The following NKAIN2 variants were observed in gnomAD, a reference collection of about 807,000 sequenced individuals.
The protein encoded by NKAIN2 is sodium/potassium-transporting ATPase subunit beta-1-interacting protein 2.
NKAIN2 carries 14 observed loss-of-function variants against 32.6 expected under a neutral mutation model. That is an observed-to-expected ratio of 0.43 (90% CI 0.28 to 0.67). NKAIN2 has a LOEUF of 0.67. Ranked by LOEUF, NKAIN2 falls within the 30% of genes least tolerant of loss-of-function variation. The probability of loss-of-function intolerance (pLI) is 0.17; values close to 1 mark genes in which losing one functional copy is unlikely to be tolerated. For synonymous variants in NKAIN2, 80 were observed against 87.2 expected (o/e 0.92, Z 0.46); for missense variants, 198 against 258.3 (o/e 0.77, Z 1.60).
At chr6:123,836,552 T>G (rs1317109159) in intron 1 of NKAIN2, among the ~76,000 whole-genome samples, 4 of 151,556 alleles carry the variant, frequency 2.6e-5, no homozygotes, top group Non-Finnish European at 4.4e-5. Flanking sequence ...CACAAAAAAT[T>G]AGGTAAGATG....
At chr6:123,902,599 T>C (rs781147583) in intron 1 of NKAIN2, among the ~76,000 whole-genome samples, 6 of 152,310 alleles carry the variant, frequency 3.9e-5, no homozygotes, top group East Asian at 1.9e-4. Flanking sequence ...ATTTGGAAGA[T>C]CAGAAAGTTG....
intron 4 of NKAIN2, among the ~76,000 whole-genome samples, chr6:124,729,325 C>A (rs1438780933): frequency 2.4e-4 from 36 of 150,034 alleles, no homozygotes; most frequent in African/African-American, 6.1e-4. Context: ...TACTGGCAAA[C>A]CGAATCCAGC....
chr6:124,496,503 A>G (rs1411271023), intron 3 of NKAIN2, among the ~76,000 whole-genome samples: 1 of 152,164 alleles, frequency 6.6e-6, no homozygotes, highest in Non-Finnish European at 1.5e-5. Flanking sequence ...GTAGAGAGGC[A>G]TAAGTGCTTC....
chr6:124,343,353 G>T (rs1798231891), intron 2 of NKAIN2, among the ~76,000 whole-genome samples: 1 of 150,982 alleles, frequency 6.6e-6, no homozygotes, highest in South Asian at 2.1e-4. Flanking sequence ...CCCAGTAATG[G>T]GATGGCTGGG....
At chr6:124,125,033 G>C (rs1786089495) in intron 1 of NKAIN2, among the ~76,000 whole-genome samples, 2 of 152,146 alleles carry the variant, frequency 1.3e-5, no homozygotes, top group Non-Finnish European at 2.9e-5. Flanking sequence ...CAAATAGGAG[G>C]CCGTACTTAT....
chr6:124,737,309 G>C (rs1053251005), intron 4 of NKAIN2, among the ~76,000 whole-genome samples: 1 of 151,856 alleles, frequency 6.6e-6, no homozygotes, highest in African/African-American at 2.4e-5. Context: ...CACAAGATTT[G>C]ATGGTTTTAA....
Position 124,111,969 on chromosome 6 carries a change from TTTATG to T in NKAIN2, c.55-171031_55-171027del, listed in dbSNP as rs569566427. On this transcript the variant is annotated intron_variant, in intron 1 of 6. Transcript: ENST00000368417. ...ATTTAACTTCCTCCCCAGAACATACTTTATGTTATTATTTTCAAAATCTATTCATA... is the reference window on the plus strand; with the variant it reads ...ATTTAACTTCCTCCCCAGAACATACTTTATTATTTTCAAAATCTATTCATA... Among the ~76,000 whole-genome samples the T allele has an allele frequency of 7.2e-5, 11 of 152,222 alleles. No homozygotes were observed. In the South Asian group the frequency reaches 1.9e-3, roughly 26 times the overall value.
At chr6:124,233,277 T>A (rs1792557231) in intron 1 of NKAIN2, among the ~76,000 whole-genome samples, 1 of 152,170 alleles carries the variant, frequency 6.6e-6, no homozygotes, top group Non-Finnish European at 1.5e-5. Context: ...TTCTTGATAA[T>A]TCTTTACAAA....
At chr6:124,654,701 T>C (rs1213512967) in intron 3 of NKAIN2, among the ~76,000 whole-genome samples, 1 of 152,176 alleles carries the variant, frequency 6.6e-6, no homozygotes, top group Non-Finnish European at 1.5e-5. Context: ...GGAGGCCTTA[T>C]ATTTTAAAAA....
intron 4 of NKAIN2, among the ~76,000 whole-genome samples, chr6:124,768,666 A>AGAATTGTCTAATTATTCATAG (rs1482455756): frequency 6.6e-6 from 1 of 152,220 alleles, no homozygotes; most frequent in South Asian, 2.1e-4. Flanking sequence ...CCTAGATATA[A>AGAATTGTCTAATTATTCATAG]GAATTGTCTA....
rs184124411 is a variant in NKAIN2, at chr6:124,368,507, A to G, written c.273+13160A>G. Among the ~76,000 whole-genome samples, 292 of 152,184 alleles carry G rather than the reference A, an allele frequency of 1.9e-3. 2 individuals carry two copies. The highest frequency in any genetic ancestry group is 6.7e-3 in the African/African-American group (278 of 41,538). ...TTTTTTGTGGGCCTCAAAAAATATGATGGGTATTGAAAGAGGGTCCTTCCA... is the reference window on the plus strand; with the variant it reads ...TTTTTTGTGGGCCTCAAAAAATATGGTGGGTATTGAAAGAGGGTCCTTCCA... On this transcript the variant is annotated intron_variant, in intron 3 of 6. Transcript: ENST00000368417.
intron 1 of NKAIN2, among the ~76,000 whole-genome samples, chr6:123,928,241 G>A (rs11966025): frequency 0.01 from 1,570 of 152,164 alleles, 21 homozygotes; most frequent in African/African-American, 0.036. Context: ...CAGACACGGG[G>A]AACTACTAGA....
chr6:124,655,705 C>G (rs1252598688), intron 3 of NKAIN2, among the ~76,000 whole-genome samples: 2 of 151,848 alleles, frequency 1.3e-5, no homozygotes, highest in Non-Finnish European at 2.9e-5. Flanking sequence ...GGGCTCTGGT[C>G]CCTGTTTGCA....
intron 1 of NKAIN2, among the ~76,000 whole-genome samples, chr6:123,856,833 C>T (rs554628225): frequency 4.6e-5 from 7 of 152,258 alleles, no homozygotes; most frequent in Admixed American, 3.3e-4. Context: ...TTGCTTGTGT[C>T]TTTTAATACC....
At chr6:124,278,665 A>ATATATATATATG (rs1411436958) in intron 1 of NKAIN2, among the ~76,000 whole-genome samples, 2 of 117,832 alleles carry the variant, frequency 1.7e-5, no homozygotes, top group Non-Finnish European at 3.6e-5. Context: ...ATATATATAT[A>ATATATATATATG]TATATATATA....
At chr6:124,351,314 A>T (rs1428317663) in intron 2 of NKAIN2, among the ~76,000 whole-genome samples, 1 of 151,920 alleles carries the variant, frequency 6.6e-6, no homozygotes, top group African/African-American at 2.4e-5. Flanking sequence ...CAGGAGTTTG[A>T]GACCAACATG....
intron 4 of NKAIN2, among the ~76,000 whole-genome samples, chr6:124,742,895 TATAAC>T (rs1347539823): frequency 1.3e-5 from 2 of 151,956 alleles, no homozygotes; most frequent in Non-Finnish European, 2.9e-5. Context: ...ATGGAGATTT[TATAAC>T]ATAATAAGAT....
At chr6:124,785,537 T>C (rs1779460986) in intron 4 of NKAIN2, among the ~76,000 whole-genome samples, 1 of 152,136 alleles carries the variant, frequency 6.6e-6, no homozygotes, top group Non-Finnish European at 1.5e-5. Flanking sequence ...TTTAGTTGAT[T>C]CCTCTGATGC....
chr6:123,840,914 T>C (rs962318170), intron 1 of NKAIN2, among the ~76,000 whole-genome samples: 2 of 152,192 alleles, frequency 1.3e-5, no homozygotes, highest in Non-Finnish European at 2.9e-5. Flanking sequence ...TTTACAGCTT[T>C]CTGTAAAAGG....
Sources: allele counts gnomAD v4.1 joint callset (sites outside exome capture counted in the v4.1 genomes callset), GRCh38; gene constraint gnomAD v4.1.1; transcripts MANE v1.5; gene names NCBI Gene and HGNC (gene_info 2026-07-23, HGNC 2026-07-21).